Variants in SEM1 observed in about 807,000 individuals in gnomAD.
SEM1 encodes the protein 26S proteasome complex subunit SEM1.
Under a neutral mutation model 12.7 loss-of-function variants are expected in SEM1, and 3 were observed. That is an observed-to-expected ratio of 0.24 (90% CI 0.11 to 0.61). The LOEUF is 0.61. Ranked by LOEUF, SEM1 falls within the 20% of genes least tolerant of loss-of-function variation. The pLI, the probability that SEM1 is intolerant of heterozygous loss-of-function variation, is 0.88. For synonymous variants in SEM1, 30 were observed against 27.8 expected (o/e 1.08, Z -0.25); for missense variants, 59 against 81.3 (o/e 0.73, Z 1.06).
chr7:96,521,696 G>A (rs974912594), intron 2 of SEM1, among the ~76,000 whole-genome samples: 2 of 152,028 alleles, frequency 1.3e-5, no homozygotes, highest in Non-Finnish European at 2.9e-5. Context: ...ATTACACGCT[G>A]ACCAAAGCTC....
intron 1 of SEM1, among the ~76,000 whole-genome samples, chr7:96,697,537 T>C (rs746294589): frequency 3.3e-5 from 5 of 152,132 alleles, no homozygotes; most frequent in Non-Finnish European, 7.4e-5. Flanking sequence ...ATCCCACTCA[T>C]ACTAAATAGG....
At chr7:96,642,650 T>C (rs1808651959) in intron 2 of SEM1, among the ~76,000 whole-genome samples, 1 of 152,066 alleles carries the variant, frequency 6.6e-6, no homozygotes, top group Admixed American at 6.6e-5. Flanking sequence ...AATAATTATT[T>C]CTCATCAGAT....
intron 2 of SEM1, among the ~76,000 whole-genome samples, chr7:96,541,430 G>GT (rs1804944201): frequency 1.5e-5 from 2 of 129,260 alleles, no homozygotes; most frequent in African/African-American, 6.8e-5. Flanking sequence ...CTTTTTAATG[G>GT]GTTTTTTTTT....
chr7:96,632,481 C>T (rs1808291656), intron 2 of SEM1, among the ~76,000 whole-genome samples: 1 of 152,050 alleles, frequency 6.6e-6, no homozygotes. Context: ...CATGTTCCCA[C>T]TCATAAGTGG....
rs747877248 is a variant in SEM1 at position 96,635,212 on chromosome 7, T to C, written c.171-12569A>G. Among the ~76,000 whole-genome samples, 10 of 152,206 alleles carry C rather than the reference T, an allele frequency of 6.6e-5. No individual in the cohort carries two copies. The South Asian group carries it at 2.1e-3, about 32-fold the overall frequency. On this transcript the variant is annotated intron_variant, in intron 2 of 2. Coordinates refer to the SEM1 transcript ENST00000417009. Reference sequence around the variant, plus strand: ...TGGTCTAAAAGAACTGGGTGCATGATACTAAGAAGACTAGAGAAAGACCAG... The same window carrying C: ...TGGTCTAAAAGAACTGGGTGCATGACACTAAGAAGACTAGAGAAAGACCAG...
At chr7:96,522,728 C>CCG (rs1554409867) in intron 2 of SEM1, among the ~76,000 whole-genome samples, 1 of 124,802 alleles carries the variant, frequency 8.0e-6, no homozygotes, top group African/African-American at 2.7e-5. Context: ...AAATACCCCC[C>CCG]CCCCAAAAAA....
chr7:96,632,685 C>A (rs1269741203), intron 2 of SEM1, among the ~76,000 whole-genome samples: 1 of 151,514 alleles, frequency 6.6e-6, no homozygotes, highest in African/African-American at 2.4e-5. Flanking sequence ...ACATGTATCC[C>A]AGAATATAAA....
Position 96,688,861 on chromosome 7 carries a change from T to C in SEM1, c.*63A>G, listed in dbSNP as rs1360348853. ...CATTTTTTTAGTGTCCCATCCTGGG[T>C]TCTCTGCCCTAGAATGTATTAAGCA... On this transcript the variant is annotated 3_prime_UTR_variant, in exon 3 of 3. Transcript: ENST00000248566. The C allele has an allele frequency of 7.2e-6, 7 of 965,844 alleles. No homozygotes were observed. The highest frequency in any genetic ancestry group is 3.3e-5 in the African/African-American group (2 of 61,116). 59.8% of individuals were successfully genotyped at this position (965,844 alleles called of 1,614,324 possible).
chr7:96,673,764 C>CA lies in SEM1; in HGVS notation c.265dup (p.Cys89LeufsTer15), dbSNP rs1789382642. 1 of 765,164 alleles carries CA rather than the reference C, an allele frequency of 1.3e-6. No individual in the cohort carries two copies. Among genetic ancestry groups the CA allele is most frequent in the African/African-American group, 1.7e-5 (1 of 59,114 alleles). 47.4% of individuals were successfully genotyped at this position (765,164 alleles called of 1,614,324 possible). A position where few individuals can be genotyped will look rare whatever the true frequency, so the allele number is the denominator to read the frequency against. ...CACATACAGGTTGATGATCTGTTAA[C>CA]AGCAGAGGAAAGCACTGCACATTCT... On this transcript the variant is annotated frameshift_variant, in exon 3 of 3. Transcript: ENST00000413065. LOFTEE classifies it high-confidence loss of function.
chr7:96,522,264 G>A (rs549596128), intron 2 of SEM1, among the ~76,000 whole-genome samples: 12 of 152,108 alleles, frequency 7.9e-5, no homozygotes, highest in Admixed American at 5.2e-4. Flanking sequence ...GATCCATTCC[G>A]GGCATATATA....
Position 96,640,845 on chromosome 7 carries a change from G to A in SEM1, c.171-18202C>T, listed in dbSNP as rs906696569. ...AGGAGGAGGAGAGACCCCTACCATG[G>A]GGTTTCTCTGTGTGTTCATTTCAGT... On this transcript the variant is annotated intron_variant, in intron 2 of 2. Coordinates refer to the SEM1 transcript ENST00000417009. This position sits in a 1 kb window ranked among gnomAD's most constrained non-coding sequence, Gnocchi z 4.0. Among the ~76,000 whole-genome samples the A allele has an allele frequency of 2.6e-5, 4 of 151,744 alleles. No individual in the cohort carries two copies. The highest frequency in any genetic ancestry group is 9.7e-5 in the African/African-American group (4 of 41,328).
chr7:96,652,581 A>G (rs1184570360), intron 2 of SEM1, among the ~76,000 whole-genome samples: 3 of 152,092 alleles, frequency 2.0e-5, no homozygotes, highest in East Asian at 1.9e-4. Context: ...GTCACCAAAT[A>G]TTAATTTTTG....
At chr7:96,558,052 A>T (rs1314082332) in intron 2 of SEM1, 2 of 154,280 alleles carry the variant, frequency 1.3e-5, no homozygotes, top group South Asian at 2.0e-4. Context: ...CGGCTCGCAC[A>T]CGGTGCGCAC....
chr7:96,700,332 A>C, intron 1 of SEM1, among the ~76,000 whole-genome samples: 1 of 152,304 alleles, frequency 6.6e-6, no homozygotes, highest in African/African-American at 2.4e-5. Context: ...AACCAGACAA[A>C]GGATTAAGGA....
chr7:96,586,094 CT>C (rs1470721682), intron 2 of SEM1, among the ~76,000 whole-genome samples: 5 of 152,186 alleles, frequency 3.3e-5, no homozygotes, highest in African/African-American at 1.2e-4. Context: ...TCGCCTTGGC[CT>C]CCCAAAGTGC....
intron 1 of SEM1, among the ~76,000 whole-genome samples, chr7:96,491,119 G>C (rs1364085490): frequency 6.6e-6 from 1 of 152,134 alleles, no homozygotes; most frequent in African/African-American, 2.4e-5. Context: ...TTCTTTGAAA[G>C]AGAGAGGTTT....
chr7:96,595,530 C>T (rs1456300505), intron 2 of SEM1, among the ~76,000 whole-genome samples: 1 of 151,956 alleles, frequency 6.6e-6, no homozygotes, highest in Non-Finnish European at 1.5e-5. Flanking sequence ...AACAAACAAA[C>T]CATTGTCATA....
At chr7:96,486,349 C>A (rs1802766300) in exon 2 of SEM1, 10 of 1,537,030 alleles carry the variant, frequency 6.5e-6, no homozygotes, top group South Asian at 1.2e-5. Flanking sequence ...GTCTCCTCCC[C>A]CTTTTTATGC....
downstream of SEM1, among the ~76,000 whole-genome samples, chr7:96,684,931 T>C (rs537268103): frequency 1.1e-3 from 167 of 152,090 alleles, no homozygotes; most frequent in African/African-American, 4.0e-3. Flanking sequence ...CTCAGGACAC[T>C]TAAAGGCAGA....
Sources: gnomAD v4.1 joint callset for allele counts (sites outside exome capture counted in the v4.1 genomes callset) on GRCh38, gnomAD v4.1.1 for gene constraint, Gnocchi (gnomAD v3.1) non-coding constraint, MANE v1.5 for transcripts, NCBI Gene and HGNC (gene_info 2026-07-23, HGNC 2026-07-21) for gene names.